The following PPP2R2C variants were observed in gnomAD, a reference collection of about 807,000 sequenced individuals.
PPP2R2C encodes the protein protein phosphatase 2, regulatory subunit B, gamma.
Under a neutral mutation model 45.3 loss-of-function variants are expected in PPP2R2C, and 10 were observed. The ratio of observed to expected loss-of-function variants is 0.22; its 90% confidence interval spans 0.14 to 0.37. PPP2R2C has a LOEUF of 0.37. PPP2R2C is among the 10% of genes least tolerant of loss of function. The pLI, the probability that PPP2R2C is intolerant of heterozygous loss-of-function variation, is 1.00. For synonymous variants in PPP2R2C, 257 were observed against 245.4 expected, an observed-to-expected ratio of 1.05 and a Z score of -0.44; for missense variants, 308 against 619.7, an observed-to-expected ratio of 0.50 and a Z score of 5.34.
At chr4:6,344,582 A>G (rs1711649230) in intron 6 of PPP2R2C, among the ~76,000 whole-genome samples, 2 of 152,206 alleles carry the variant, frequency 1.3e-5, no homozygotes, top group Non-Finnish European at 2.9e-5. Context: ...TGTGCTCTCT[A>G]AATTCCACCC....
intron 1 of PPP2R2C, among the ~76,000 whole-genome samples, chr4:6,443,833 C>T (rs1720281659): frequency 6.6e-6 from 1 of 152,066 alleles, no homozygotes. Context: ...AGATGGCTCC[C>T]GGTGCATCTT....
Position 6,332,703 on chromosome 4 carries a change from T to C in PPP2R2C, c.960+859A>G, listed in dbSNP as rs1395304792. Among the ~76,000 whole-genome samples, 2 of 151,988 alleles carry C rather than the reference T, an allele frequency of 1.3e-5. No homozygotes were observed. The highest frequency in any genetic ancestry group is 2.4e-5 in the African/African-American group (1 of 41,356). ...GTGCCCGAGTTCCCTTTCCACCAAA[T>C]AGGATGATGGCTCCTTGTCACCGGA... is the stretch of plus-strand genomic sequence containing the variant. On this transcript the variant is annotated intron_variant, in intron 7 of 8. Coordinates refer to ENST00000382599, the MANE Select transcript of PPP2R2C (RefSeq NM_020416.4). The surrounding 1 kb of genome is among the most constrained non-coding windows in gnomAD (Gnocchi z 4.9).
rs1725407737 is a variant in PPP2R2C at position 6,556,580 on chromosome 4, A to T, written c.-59+6980T>A. Among the ~76,000 whole-genome samples the T allele has an allele frequency of 3.3e-5, 5 of 152,312 alleles. No individual in the cohort carries two copies. In the South Asian group the frequency reaches 1.0e-3, roughly 32 times the overall value. The stretch of plus-strand genomic sequence containing the variant: ...AAGAACCCTGACTACTACAGGGCAC[A>T]AATACCTCATGCTCTGCAGTCATTT... On this transcript the variant is annotated intron_variant, in intron 1 of 9. Coordinates refer to the PPP2R2C transcript ENST00000506140.
intron 1 of PPP2R2C, chr4:6,382,341 T>C (rs1473872600): frequency 7.7e-7 from 1 of 1,307,042 alleles, no homozygotes; most frequent in African/African-American, 1.5e-5. Flanking sequence ...AAAATGGATC[T>C]ACTTTCAAAC....
intron 2 of PPP2R2C, among the ~76,000 whole-genome samples, chr4:6,488,100 A>G (rs565330254): frequency 2.0e-4 from 30 of 152,212 alleles, no homozygotes; most frequent in African/African-American, 7.2e-4. Context: ...CTCCATGTTG[A>G]TTGTATGTCC....
In PPP2R2C at chr4:6,325,000, G is replaced by A. The variant is rs1731832983; in HGVS notation, c.1053-1407C>T. On this transcript the variant is annotated intron_variant, in intron 8 of 8. Transcript: ENST00000382599. The surrounding 1 kb of genome is among the most constrained non-coding windows in gnomAD (Gnocchi z 4.1). ...TTTTGGAAGCTGAGCTGGGCTTCCT[G>A]AGGGTGACACTGCTCTGTGACAGAA... 6.6e-6 allele frequency among the ~76,000 whole-genome samples: 1 copy of A among 152,212 alleles called. No individual in the cohort carries two copies. Among genetic ancestry groups the A allele is most frequent in the African/African-American group, 2.4e-5 (1 of 41,456 alleles).
At chr4:6,522,992 G>A (rs1468995917) in intron 2 of PPP2R2C, among the ~76,000 whole-genome samples, 1 of 152,256 alleles carries the variant, frequency 6.6e-6, no homozygotes, top group Non-Finnish European at 1.5e-5. Flanking sequence ...CCTGGCAGGG[G>A]TGGACCGGGG....
chr4:6,407,611 G>T (rs777846975), intron 1 of PPP2R2C, among the ~76,000 whole-genome samples: 5 of 152,144 alleles, frequency 3.3e-5, no homozygotes, highest in Non-Finnish European at 5.9e-5. Context: ...ATGTTGGCCA[G>T]GCTGGTCTCA....
intron 5 of PPP2R2C, among the ~76,000 whole-genome samples, chr4:6,359,569 AT>A (rs1379957504): frequency 6.6e-6 from 1 of 151,754 alleles, no homozygotes; most frequent in Non-Finnish European, 1.5e-5. Flanking sequence ...AATACATTTT[AT>A]TATTAAGATT....
chr4:6,349,879 G>C (rs1388144895), intron 5 of PPP2R2C: 1 of 982,616 alleles, frequency 1.0e-6, no homozygotes, highest in African/African-American at 1.8e-5. Context: ...GACAGGGCAA[G>C]ACTCTGTCAA....
chr4:6,435,495 G>A (rs1445462397), intron 1 of PPP2R2C, among the ~76,000 whole-genome samples: 2 of 152,176 alleles, frequency 1.3e-5, no homozygotes, highest in East Asian at 3.8e-4. Context: ...TATGGCAAAT[G>A]TTTTCTTGCG....
At chr4:6,344,639 T>C (rs975771029) in intron 6 of PPP2R2C, among the ~76,000 whole-genome samples, 4 of 152,184 alleles carry the variant, frequency 2.6e-5, no homozygotes, top group Non-Finnish European at 4.4e-5. Context: ...AAATCCATCA[T>C]GAAAGTAAAA....
At chr4:6,519,543 G>C (rs575337621) in intron 2 of PPP2R2C, among the ~76,000 whole-genome samples, 1 of 152,242 alleles carries the variant, frequency 6.6e-6, no homozygotes, top group Non-Finnish European at 1.5e-5. Context: ...CTGCCACAGG[G>C]CCTTTGCATC....
intron 2 of PPP2R2C, among the ~76,000 whole-genome samples, chr4:6,495,135 C>T (rs944984471): frequency 2.6e-5 from 4 of 152,240 alleles, no homozygotes; most frequent in Non-Finnish European, 4.4e-5. Context: ...TACGTGGCCT[C>T]CACAGCCAGC....
intron 1 of PPP2R2C, among the ~76,000 whole-genome samples, chr4:6,432,803 T>C (rs34400800): frequency 0.39 from 59,139 of 152,030 alleles, 13,197 homozygotes; most frequent in Non-Finnish European, 0.52. Flanking sequence ...GATTTTAGAA[T>C]ACAGTTGACC....
chr4:6,358,603 A>G (rs1301563491), intron 5 of PPP2R2C, among the ~76,000 whole-genome samples: 1 of 151,884 alleles, frequency 6.6e-6, no homozygotes, highest in Non-Finnish European at 1.5e-5. Flanking sequence ...CATCTGAGAA[A>G]GGGCTAATAT....
intron 1 of PPP2R2C, among the ~76,000 whole-genome samples, chr4:6,457,562 C>A (rs1721110004): frequency 1.3e-5 from 2 of 151,902 alleles, no homozygotes; most frequent in Admixed American, 1.3e-4. Context: ...TTTGAAGAGA[C>A]AGGGTCTCAC....
At chr4:6,476,819 A>G (rs569702979), upstream of PPP2R2C, among the ~76,000 whole-genome samples, 35 of 152,242 alleles carry the variant, frequency 2.3e-4, no homozygotes, top group South Asian at 1.9e-3. Flanking sequence ...TGTAACTGTA[A>G]TTTATTCATT....
Position 6,448,185 on chromosome 4 carries a change from C to T in PPP2R2C, c.70+23975G>A, listed in dbSNP as rs150259622. On this transcript the variant is annotated intron_variant, in intron 1 of 8. Coordinates refer to ENST00000382599, the MANE Select transcript of PPP2R2C (RefSeq NM_020416.4). Reference sequence around the variant, plus strand: ...TTCTCTGTGCCAGACTCCGTCAAAGCCCTTTGCATCGTTTCCTCAGGTGGC... The same window carrying T: ...TTCTCTGTGCCAGACTCCGTCAAAGTCCTTTGCATCGTTTCCTCAGGTGGC... 1.5e-3 allele frequency among the ~76,000 whole-genome samples: 224 copies of T among 152,290 alleles called. 1 individual carries two copies. Among genetic ancestry groups the T allele is most frequent in the African/African-American group, 5.2e-3 (217 of 41,556 alleles).
Sources: gnomAD v4.1 joint callset for allele counts (sites outside exome capture counted in the v4.1 genomes callset) on GRCh38, gnomAD v4.1.1 for gene constraint, Gnocchi (gnomAD v3.1) non-coding constraint, MANE v1.5 for transcripts, NCBI Gene and HGNC (gene_info 2026-07-23, HGNC 2026-07-21) for gene names.